Variants in SEC23IP observed in about 807,000 individuals in gnomAD.
SEC23IP encodes the protein SEC23-interacting protein.
Under a neutral mutation model 113.4 loss-of-function variants are expected in SEC23IP, and 70 were observed. That is an observed-to-expected ratio of 0.62 (90% CI 0.51 to 0.75). SEC23IP has a LOEUF of 0.75. Among genes scored for constraint, SEC23IP ranks in the 30% least tolerant of loss-of-function variants. The probability of loss-of-function intolerance (pLI) is 0.00; values close to 1 mark genes in which losing one functional copy is unlikely to be tolerated. For missense variants in SEC23IP, 1,160 were observed against 1,204.9 expected (o/e 0.96, Z 0.55); for synonymous variants, 398 against 421.0 (o/e 0.95, Z 0.67).
intron 11 of SEC23IP, among the ~76,000 whole-genome samples, chr10:119,920,222 C>A (rs1253282918): frequency 6.6e-6 from 1 of 152,172 alleles, no homozygotes; most frequent in Non-Finnish European, 1.5e-5. Flanking sequence ...AAAAATTACC[C>A]TTTGCTTCAT....
Position 119,941,675 on chromosome 10 carries a change from GTGTA to G in SEC23IP, c.*1116_*1119del, listed in dbSNP as rs1855969313. 6.6e-6 allele frequency: 1 copy of G among 152,618 alleles called. No homozygotes were observed. Among genetic ancestry groups the G allele is most frequent in the African/African-American group, 2.4e-5 (1 of 41,444 alleles). The allele number at this position is 152,618 out of a possible 1,614,324, so 9.5% of individuals were successfully genotyped here. A position where few individuals can be genotyped will look rare whatever the true frequency, so the allele number is the denominator to read the frequency against. On this transcript the variant is annotated 3_prime_UTR_variant, in exon 19 of 19. Transcript: ENST00000369075. The stretch of plus-strand genomic sequence containing the variant: ...AAGTGATATATGATACACATTTTTT[GTGTA>G]TGTATTCTAATTAGTGTGAATAAAG...
intron 3 of SEC23IP, among the ~76,000 whole-genome samples, chr10:119,903,326 G>A (rs545691307): frequency 3.9e-5 from 6 of 152,172 alleles, no homozygotes; most frequent in Non-Finnish European, 8.8e-5. Context: ...AGGGCATTCT[G>A]TGGAACTCTC....
Position 119,917,823 on chromosome 10 carries a change from T to C in SEC23IP, c.1545-13T>C. ...ATGCTGACTGAATGTGCTGTATTTT[T>C]CTTTTTAAACAGGAATATTAAGAAA... is the stretch of plus-strand genomic sequence containing the variant. On this transcript the variant is annotated splice_polypyrimidine_tract_variant and intron_variant, in intron 8 of 18. Coordinates refer to ENST00000369075, the MANE Select transcript of SEC23IP (RefSeq NM_007190.4). The C allele has an allele frequency of 3.1e-6, 5 of 1,604,206 alleles. No homozygotes were observed. The highest frequency in any genetic ancestry group is 4.3e-6 in the Non-Finnish European group (5 of 1,172,078).
In SEC23IP at chr10:119,912,114, C is replaced by A. The variant is rs2134480193; in HGVS notation, c.1262C>A (p.Pro421His). ...ACCACGCAAGATGGACAGACAAGGC[C>A]CAGGGTTGTAAAGCGTGGAATTGAT... Reference protein sequence around the residue: ...WGTTQDGQTRPRVVKRGIDDN... With the variant: ...WGTTQDGQTRHRVVKRGIDDN... The change falls in exon 6 of 19, where the codon CCC (proline) becomes CAC (histidine). Residue 421 changes from proline to histidine, a missense_variant. Physicochemically the swap from Pro to His is moderately conservative, Grantham distance 77. Coordinates refer to ENST00000369075, the MANE Select transcript of SEC23IP (RefSeq NM_007190.4). The A allele has an allele frequency of 1.2e-6, 2 of 1,614,032 alleles. No individual in the cohort carries two copies. Among genetic ancestry groups the A allele is most frequent in the East Asian group, 2.2e-5 (1 of 44,880 alleles).
At chr10:119,923,179 G>T (rs1469364878) in intron 12 of SEC23IP, among the ~76,000 whole-genome samples, 1 of 152,010 alleles carries the variant, frequency 6.6e-6, no homozygotes, top group Non-Finnish European at 1.5e-5. Context: ...ATAAATTATG[G>T]CATTATAAGA....
At position 119,902,719 on chromosome 10, in the gene SEC23IP, C is replaced by T. The variant is rs1854537010; in HGVS notation, c.697-80C>T. ...CCAGATATACATGTAGGATAATCTA[C>T]TAACATCAGTTTGGGTGTGAAGCAT... On this transcript the variant is annotated intron_variant, in intron 2 of 18. Transcript: ENST00000369075. 13 of 1,095,204 alleles carry T rather than the reference C, an allele frequency of 1.2e-5. No individual in the cohort carries two copies. The South Asian group carries it at 1.8e-4, about 15-fold the overall frequency. 67.8% of individuals were successfully genotyped at this position (1,095,204 alleles called of 1,614,324 possible).
chr10:119,914,886 C>A, intron 7 of SEC23IP, 67 bp downstream of exon 7: 1 of 1,440,046 alleles, frequency 6.9e-7, no homozygotes, highest in Non-Finnish European at 9.7e-7. Context: ...TTGGAGTATT[C>A]ATTTTTAGGA....
intron 17 of SEC23IP, among the ~76,000 whole-genome samples, 177 bp from the exon 18 acceptor site, chr10:119,933,509 T>A (rs192350360): frequency 6.6e-5 from 10 of 152,322 alleles, no homozygotes; most frequent in African/African-American, 2.4e-4. Context: ...ATTCATCTAG[T>A]TTTTAAGGAC....
intron 4 of SEC23IP, 140 bp downstream of exon 4, chr10:119,904,417 T>C (rs929728903): frequency 7.5e-5 from 53 of 705,690 alleles, no homozygotes; most frequent in Non-Finnish European, 1.2e-4. Flanking sequence ...AAGATTACTT[T>C]TTAAGTGGTG....
chr10:119,924,052 G>A (rs1056263621), intron 12 of SEC23IP, among the ~76,000 whole-genome samples: 5 of 152,164 alleles, frequency 3.3e-5, no homozygotes, highest in Non-Finnish European at 7.4e-5. Flanking sequence ...TCCTTATTTC[G>A]GATTTTAGGC....
intron 9 of SEC23IP, 28 bp from the exon 10 acceptor site, chr10:119,918,365 T>C (rs773284183): frequency 2.4e-5 from 33 of 1,386,026 alleles, no homozygotes; most frequent in Non-Finnish European, 3.4e-5. Context: ...CCTACTACAT[T>C]ATAAGGCAAA....
rs34695263 is a variant in SEC23IP, at chr10:119,911,037, C to CTT, written c.1192-994_1192-993dup. Among the ~76,000 whole-genome samples, 7 of 129,832 alleles carry CTT rather than the reference C, an allele frequency of 5.4e-5. No individual in the cohort carries two copies. In the South Asian group the frequency reaches 9.5e-4, roughly 18 times the overall value. 85.2% of individuals were successfully genotyped at this position (129,832 alleles called of 152,430 possible). ...TTGCATACTACATCAAGTATATATT[C>CTT]TTTTTTTTTTTTTTAAAGAAAATTT... On this transcript the variant is annotated intron_variant, in intron 5 of 18. Transcript: ENST00000369075.
chr10:119,927,390 T>G (rs1855456673), intron 13 of SEC23IP, among the ~76,000 whole-genome samples: 1 of 152,158 alleles, frequency 6.6e-6, no homozygotes, highest in Admixed American at 6.5e-5. Flanking sequence ...GCAGAAGAGA[T>G]AGGGTGGTGG....
intron 4 of SEC23IP, 183 bp downstream of exon 4, chr10:119,904,460 G>T: frequency 1.7e-6 from 1 of 589,292 alleles, no homozygotes; most frequent in African/African-American, 1.9e-5. Flanking sequence ...CGTGGCATCT[G>T]TGTCTAAAGA....
chr10:119,896,141 G>A (rs889434827), intron 1 of SEC23IP, among the ~76,000 whole-genome samples: 2 of 152,170 alleles, frequency 1.3e-5, no homozygotes, highest in African/African-American at 4.8e-5. Context: ...GGAGCAGGGA[G>A]CAGATGTGCG....
intron 10 of SEC23IP, among the ~76,000 whole-genome samples, chr10:119,918,915 T>A (rs1216228194): frequency 1.3e-5 from 2 of 152,200 alleles, no homozygotes; most frequent in African/African-American, 2.4e-5. Flanking sequence ...ATGTGAAAGT[T>A]TGTGATTTTT....
Position 119,917,800 on chromosome 10 carries a change from G to C in SEC23IP, c.1545-36G>C, listed in dbSNP as rs768479909. The stretch of plus-strand genomic sequence containing the variant: ...AAAAATCTGTAAATTTAAGGTAGAT[G>C]CTGACTGAATGTGCTGTATTTTTCT... On this transcript the variant is annotated intron_variant, in intron 8 of 18. Coordinates refer to ENST00000369075, the MANE Select transcript of SEC23IP (RefSeq NM_007190.4). The C allele has an allele frequency of 6.6e-6, 10 of 1,515,586 alleles. No individual in the cohort carries two copies. The African/African-American group carries it at 1.2e-4, about 19-fold the overall frequency. 93.9% of individuals were successfully genotyped at this position (1,515,586 alleles called of 1,614,324 possible).
rs748705819 is a variant in SEC23IP, at chr10:119,918,487, G to T, written c.1848G>T (p.Lys616Asn). 1 of 1,612,004 alleles carries T rather than the reference G, an allele frequency of 6.2e-7. No homozygotes were observed. The highest frequency in any genetic ancestry group is 8.5e-7 in the Non-Finnish European group (1 of 1,178,016). Residue 616 changes from lysine (K) to asparagine (N), a missense_variant, in exon 10 of 19, where the codon AAG becomes AAT. Lys to Asn is a moderately conservative substitution (Grantham distance 94). Transcript: ENST00000369075. Reference protein sequence around the residue: ...GPLAVANGVVKQLHFQEKQMP... With the variant: ...GPLAVANGVVNQLHFQEKQMP... The stretch of plus-strand genomic sequence containing the variant: ...TTGCTGTTGCTAATGGAGTTGTGAA[G>T]CAGCTACATTTTCAGGAAAAGCAGG...
At chr10:119,901,962 C>T (rs540740824) in intron 2 of SEC23IP, among the ~76,000 whole-genome samples, 71 of 152,272 alleles carry the variant, frequency 4.7e-4, no homozygotes, top group Non-Finnish European at 9.1e-4. Flanking sequence ...GGCAGGATTA[C>T]AGGTGTGAGC....
Sources: gnomAD v4.1 joint callset for allele counts (sites outside exome capture counted in the v4.1 genomes callset) on GRCh38, gnomAD v4.1.1 for gene constraint, MANE v1.5 for transcripts, NCBI Gene and HGNC (gene_info 2026-07-23, HGNC 2026-07-21) for gene names.